Variants in NAALADL2 observed in about 807,000 individuals in gnomAD.
The protein encoded by NAALADL2 is N-acetylated alpha-linked acidic dipeptidase like 2.
NAALADL2 carries 76 observed loss-of-function variants against 87.2 expected under a neutral mutation model. That is an observed-to-expected ratio of 0.87 (90% CI 0.72 to 1.05). The LOEUF is 1.05. Among genes scored for constraint, NAALADL2 ranks in the 50% least tolerant of loss-of-function variants. The pLI is 0.00. For synonymous variants in NAALADL2, 354 were observed against 331.0 expected (o/e 1.07, Z -0.75); for missense variants, 1,089 against 945.8 (o/e 1.15, Z -1.99).
At chr3:174,522,617 C>A (rs527348841) in intron 1 of NAALADL2, among the ~76,000 whole-genome samples, 1 of 151,862 alleles carries the variant, frequency 6.6e-6, no homozygotes, top group Admixed American at 6.6e-5. Context: ...CCAGCCTGGG[C>A]GACAGACCAA....
intron 2 of NAALADL2, among the ~76,000 whole-genome samples, chr3:174,719,679 G>A (rs1731526195): frequency 1.3e-5 from 2 of 152,124 alleles, no homozygotes; most frequent in South Asian, 4.1e-4. Flanking sequence ...GAGCAAAGTG[G>A]GAAAGAAGCA....
rs1744627754 is a variant in NAALADL2 at position 175,229,448 on chromosome 3, A to G, written c.546-4483A>G. Among the ~76,000 whole-genome samples, 3 of 152,024 alleles carry G rather than the reference A, an allele frequency of 2.0e-5. No individual in the cohort carries two copies. The South Asian group carries it at 6.2e-4, about 31-fold the overall frequency. ...GTTAACATTGACCAAACACTTGACC[A>G]TTATCTTAATTTGTTCAGGCTGCTA... is the stretch of plus-strand genomic sequence containing the variant. On this transcript the variant is annotated intron_variant, in intron 2 of 13. Transcript: ENST00000454872.
intron 10 of NAALADL2, among the ~76,000 whole-genome samples, chr3:175,599,479 G>A (rs1722672310): frequency 6.6e-6 from 1 of 152,064 alleles, no homozygotes; most frequent in African/African-American, 2.4e-5. Context: ...GAAGCCAGGT[G>A]TCTGATTTTA....
intron 11 of NAALADL2, among the ~76,000 whole-genome samples, chr3:175,724,275 C>T (rs1402018327): frequency 6.6e-6 from 1 of 152,086 alleles, no homozygotes; most frequent in Non-Finnish European, 1.5e-5. Flanking sequence ...AAGCAAGGAA[C>T]TATTAATATA....
In NAALADL2 at chr3:175,021,367, A is replaced by G. The variant is rs1466009843; in HGVS notation, c.44-75423A>G. On this transcript the variant is annotated intron_variant, in intron 1 of 13. Transcript: ENST00000454872. ...ATGGTCAATAAATATTTGAGTAAAG[A>G]AATATTTTATAAACCAACACAGTGC... Among the ~76,000 whole-genome samples, 6 of 152,208 alleles carry G rather than the reference A, an allele frequency of 3.9e-5. No individual in the cohort carries two copies. The East Asian group carries it at 1.2e-3, about 29-fold the overall frequency.
intron 11 of NAALADL2, among the ~76,000 whole-genome samples, chr3:175,698,636 C>T (rs1044549211): frequency 3.3e-5 from 5 of 150,754 alleles, no homozygotes; most frequent in Non-Finnish European, 5.9e-5. Flanking sequence ...TGATATTATA[C>T]ATTAAGAATA....
At chr3:175,133,279 G>C (rs1267588288) in intron 2 of NAALADL2, among the ~76,000 whole-genome samples, 2 of 151,876 alleles carry the variant, frequency 1.3e-5, no homozygotes, top group Non-Finnish European at 2.9e-5. Flanking sequence ...CCCAGACGAT[G>C]GGCGGCCAGG....
chr3:175,380,678 A>G (rs144764284), intron 5 of NAALADL2, among the ~76,000 whole-genome samples: 20 of 152,286 alleles, frequency 1.3e-4, no homozygotes, highest in African/African-American at 4.6e-4. Context: ...CAGAAATCAT[A>G]TATTTAGTAA....
At chr3:175,064,233 C>T (rs1004000838) in intron 1 of NAALADL2, among the ~76,000 whole-genome samples, 4 of 146,146 alleles carry the variant, frequency 2.7e-5, no homozygotes, top group African/African-American at 7.6e-5. Context: ...ATAGTTTACT[C>T]TTGGGGAAAA....
chr3:175,504,304 C>T (rs764029744), intron 9 of NAALADL2, among the ~76,000 whole-genome samples: 32 of 152,022 alleles, frequency 2.1e-4, no homozygotes, highest in Admixed American at 3.9e-4. Context: ...AATTTCTGGA[C>T]GGTTGGAATT....
At chr3:174,629,011 G>T (rs1033820828) in intron 2 of NAALADL2, among the ~76,000 whole-genome samples, 1 of 152,156 alleles carries the variant, frequency 6.6e-6, no homozygotes, top group Non-Finnish European at 1.5e-5. Flanking sequence ...ACTAATTGTT[G>T]TTAAACTTGT....
chr3:175,053,534 A>G (rs1467023448), intron 1 of NAALADL2, among the ~76,000 whole-genome samples: 3 of 152,160 alleles, frequency 2.0e-5, no homozygotes, highest in African/African-American at 7.2e-5. Flanking sequence ...CTGGCTCATG[A>G]TAAGGTTTCA....
At chr3:174,566,890 CA>C (rs1426200151) in intron 2 of NAALADL2, among the ~76,000 whole-genome samples, 3 of 151,512 alleles carry the variant, frequency 2.0e-5, no homozygotes, top group East Asian at 1.9e-4. Context: ...AAGAAAACCA[CA>C]AAACAAAAGG....
intron 2 of NAALADL2, among the ~76,000 whole-genome samples, chr3:174,726,025 T>C (rs1732150969): frequency 1.3e-5 from 2 of 152,172 alleles, no homozygotes; most frequent in Non-Finnish European, 1.5e-5. Flanking sequence ...GCCTAATCTC[T>C]CTTTAATTAA....
At chr3:174,833,424 C>T (rs1002925763) in intron 3 of NAALADL2, among the ~76,000 whole-genome samples, 1 of 151,996 alleles carries the variant, frequency 6.6e-6, no homozygotes, top group African/African-American at 2.4e-5. Context: ...AAAAACCATT[C>T]CAGAAAGGAA....
chr3:174,612,711 T>C (rs1026306037), intron 2 of NAALADL2, among the ~76,000 whole-genome samples: 2 of 152,148 alleles, frequency 1.3e-5, no homozygotes, highest in African/African-American at 4.8e-5. Context: ...AATCTTGAAA[T>C]TCTTTGAGTT....
At chr3:175,765,025 G>T (rs1282113707) in intron 13 of NAALADL2, among the ~76,000 whole-genome samples, 2 of 151,768 alleles carry the variant, frequency 1.3e-5, no homozygotes, top group Non-Finnish European at 2.9e-5. Flanking sequence ...TGTTTTTCTT[G>T]TCATTAATTC....
At chr3:175,089,541 G>C (rs1719679054) in intron 1 of NAALADL2, among the ~76,000 whole-genome samples, 1 of 152,088 alleles carries the variant, frequency 6.6e-6, no homozygotes, top group African/African-American at 2.4e-5. Context: ...CATAATGGAG[G>C]TAAAGACCTA....
chr3:174,647,829 G>A (rs1411081307), intron 2 of NAALADL2, among the ~76,000 whole-genome samples: 4 of 152,092 alleles, frequency 2.6e-5, no homozygotes, highest in African/African-American at 9.7e-5. Flanking sequence ...CCATGCACTT[G>A]GCACTGTAAT....
Sources: allele counts gnomAD v4.1 joint callset (sites outside exome capture counted in the v4.1 genomes callset), GRCh38; gene constraint gnomAD v4.1.1; transcripts MANE v1.5; gene names NCBI Gene and HGNC (gene_info 2026-07-23, HGNC 2026-07-21).